PVT1: variants seen among roughly 807,000 people sequenced by gnomAD.
PVT1 encodes the protein Pvt1 oncogene.
At chr8:127,864,840 G>T (rs1462116698) in intron 2 of PVT1, among the ~76,000 whole-genome samples, 2 of 152,160 alleles carry the variant, frequency 1.3e-5, no homozygotes, top group Non-Finnish European at 2.9e-5. Flanking sequence ...GAGTCACTGC[G>T]CCCAGCCAGG....
chr8:128,023,879 C>T (rs1817465142), intron 4 of PVT1, among the ~76,000 whole-genome samples: 1 of 152,248 alleles, frequency 6.6e-6, no homozygotes, highest in Non-Finnish European at 1.5e-5. Flanking sequence ...AGTTTGAGAA[C>T]ACAGCATGAG....
intron 2 of PVT1, among the ~76,000 whole-genome samples, chr8:127,848,229 T>C (rs1815057361): frequency 6.6e-6 from 1 of 152,202 alleles, no homozygotes; most frequent in Non-Finnish European, 1.5e-5. Flanking sequence ...ACGCGACTGA[T>C]ATAAATCCCG....
intron 6 of PVT1, chr8:128,099,424 CTG>C (rs1814472091): frequency 2.0e-5 from 3 of 152,294 alleles, no homozygotes; most frequent in Non-Finnish European, 4.4e-5. Flanking sequence ...CCCAGCATCA[CTG>C]TGGGAAAACG....
At chr8:127,985,033 CCTTT>C (rs1297869564) in intron 3 of PVT1, among the ~76,000 whole-genome samples, 1 of 128,118 alleles carries the variant, frequency 7.8e-6, no homozygotes, top group East Asian at 2.3e-4. Context: ...TTCCTTCCTT[CCTTT>C]CCTTCTTTTT....
At chr8:127,941,308 G>A (rs1489082504) in intron 3 of PVT1, among the ~76,000 whole-genome samples, 4 of 152,184 alleles carry the variant, frequency 2.6e-5, no homozygotes, top group African/African-American at 9.7e-5. Flanking sequence ...CTACTTCAAG[G>A]TCCTTAGGTT....
At chr8:127,915,410 T>G (rs1482727792) in intron 3 of PVT1, among the ~76,000 whole-genome samples, 1 of 151,034 alleles carries the variant, frequency 6.6e-6, no homozygotes, top group Non-Finnish European at 1.5e-5. Flanking sequence ...GTCGGGAGTT[T>G]GAGACCAGCC....
At chr8:128,033,995 T>TTGCCGGCCACCTCCCCAGCCC (rs1813429654) in intron 4 of PVT1, among the ~76,000 whole-genome samples, 1 of 151,968 alleles carries the variant, frequency 6.6e-6, no homozygotes, top group Admixed American at 6.6e-5. Context: ...ACCATCTGCC[T>TTGCCGGCCACCTCCCCAGCCC]TGCCGGCCAC....
At position 127,812,364 on chromosome 8, in the gene PVT1, T is replaced by C. The variant is rs1814607742; in HGVS notation, n.372+16293T>C. ...CTTTGGGAGGCTGAGATGGGAGGAA[T>C]TGGAAACCAGCCTGGGCAACATAAT... On this transcript the variant is annotated intron_variant and non_coding_transcript_variant, in intron 2 of 10. Transcript: ENST00000651587. 2.6e-5 allele frequency among the ~76,000 whole-genome samples: 4 copies of C among 151,028 alleles called. No individual in the cohort carries two copies. In the South Asian group the frequency reaches 8.4e-4, roughly 32 times the overall value.
chr8:128,022,255 G>T (rs574742980), intron 4 of PVT1, among the ~76,000 whole-genome samples: 1 of 152,282 alleles, frequency 6.6e-6, no homozygotes, highest in South Asian at 2.1e-4. Context: ...GGTGGGAGTG[G>T]ATCAATTAAC....
chr8:127,958,011 G>T (rs899384788), intron 3 of PVT1, among the ~76,000 whole-genome samples: 1 of 152,210 alleles, frequency 6.6e-6, no homozygotes, highest in African/African-American at 2.4e-5. Context: ...AAAGCTGAGT[G>T]CCCCTAACAG....
chr8:127,939,229 TG>T (rs1816315037), intron 3 of PVT1, among the ~76,000 whole-genome samples: 1 of 152,156 alleles, frequency 6.6e-6, no homozygotes. Context: ...TGTACAAAGG[TG>T]GGGCTGTGGC....
chr8:128,064,927 C>A (rs908092025), intron 4 of PVT1, among the ~76,000 whole-genome samples: 1 of 152,146 alleles, frequency 6.6e-6, no homozygotes, highest in African/African-American at 2.4e-5. Context: ...AAGCTGTCAC[C>A]CCATGGACCC....
At chr8:127,883,735 A>C (rs1815494957) in intron 2 of PVT1, among the ~76,000 whole-genome samples, 1 of 152,246 alleles carries the variant, frequency 6.6e-6, no homozygotes, top group Admixed American at 6.5e-5. Flanking sequence ...TGGGAGGCAG[A>C]GAGGAGAGAG....
chr8:127,989,420 T>A (rs1220172217), intron 4 of PVT1: 1 of 152,188 alleles, frequency 6.6e-6, no homozygotes, highest in Non-Finnish European at 1.5e-5. Context: ...CTCCAATGTG[T>A]TCGGGAAGCT....
intron 4 of PVT1, among the ~76,000 whole-genome samples, chr8:128,041,551 ATGTATG>A (rs1186570600): frequency 3.9e-5 from 1 of 25,570 alleles, no homozygotes; most frequent in Non-Finnish European, 9.8e-5. Flanking sequence ...TGCTTGGTGA[ATGTATG>A]TGTGTATTTT....
chr8:127,838,053 A>G (rs1021642347), intron 2 of PVT1, among the ~76,000 whole-genome samples: 5 of 151,806 alleles, frequency 3.3e-5, no homozygotes, highest in Admixed American at 6.6e-5. Flanking sequence ...ATGCGCCACC[A>G]TGCCCGGCTA....
intron 3 of PVT1, among the ~76,000 whole-genome samples, chr8:127,895,676 A>T (rs1218633112): frequency 6.6e-6 from 1 of 152,186 alleles, no homozygotes; most frequent in Non-Finnish European, 1.5e-5. Flanking sequence ...AAAAATATTG[A>T]AGATGAGTGA....
intron 4 of PVT1, among the ~76,000 whole-genome samples, chr8:128,031,059 C>G (rs1813381487): frequency 6.6e-6 from 1 of 152,234 alleles, no homozygotes; most frequent in Admixed American, 6.5e-5. Flanking sequence ...TGCCCTCAGT[C>G]CAGGAGCAAC....
chr8:127,942,305 T>G (rs959264081), intron 3 of PVT1, among the ~76,000 whole-genome samples: 3 of 152,188 alleles, frequency 2.0e-5, no homozygotes, highest in African/African-American at 4.8e-5. Flanking sequence ...CCTAAGGTCA[T>G]CAAGCTGGCA....
Sources: gnomAD v4.1 joint callset for allele counts (sites outside exome capture counted in the v4.1 genomes callset) on GRCh38, gnomAD v4.1.1 for gene constraint, MANE v1.5 for transcripts, NCBI Gene and HGNC (gene_info 2026-07-23, HGNC 2026-07-21) for gene names.